The following RABL3 variants were observed in gnomAD, a reference collection of about 807,000 sequenced individuals.
RABL3 encodes rab-like protein 3.
Under a neutral mutation model 31.8 loss-of-function variants are expected in RABL3, and 31 were observed. The observed-to-expected ratio is 0.97, with a 90% CI of 0.73 to 1.31. The LOEUF (loss-of-function observed/expected upper bound fraction) is 1.31. RABL3 is among the 40% of genes most tolerant of loss of function. The pLI is 0.00. For missense variants in RABL3, 263 were observed against 279.6 expected, an observed-to-expected ratio of 0.94 and a Z score of 0.42; for synonymous variants, 97 against 99.9, an observed-to-expected ratio of 0.97 and a Z score of 0.18.
chr3:120,707,777 G>A (rs1342708744), intron 3 of RABL3, among the ~76,000 whole-genome samples: 1 of 152,086 alleles, frequency 6.6e-6, no homozygotes, highest in African/African-American at 2.4e-5. Flanking sequence ...CTTTACTGAG[G>A]ATCTTTAGGT....
rs1708304081 is a variant in RABL3, at chr3:120,686,036, G to C, written c.*3787C>G. Among the ~76,000 whole-genome samples the C allele has an allele frequency of 1.3e-5, 2 of 152,134 alleles. No homozygotes were observed. Among genetic ancestry groups the C allele is most frequent in the African/African-American group, 2.4e-5 (1 of 41,432 alleles). ...TGTCCAATTCCTTTACTATGCTATGGAGCAGCCCCAGCTGACCCTAACATC... is the reference window on the plus strand; with the variant it reads ...TGTCCAATTCCTTTACTATGCTATGCAGCAGCCCCAGCTGACCCTAACATC... On this transcript the variant is annotated 3_prime_UTR_variant, in exon 8 of 8. Coordinates refer to ENST00000273375, the MANE Select transcript of RABL3 (RefSeq NM_173825.5).
rs149233680 is a variant in RABL3, at chr3:120,731,120, A to G, written c.47-333T>C. 9.3e-3 allele frequency among the ~76,000 whole-genome samples: 1,410 copies of G among 152,198 alleles called. 22 individuals are homozygous for G. The highest frequency in any genetic ancestry group is 0.032 in the African/African-American group (1,345 of 41,542). The stretch of plus-strand genomic sequence containing the variant: ...ACTGGTCCAGGGGTCTCACTTTGAG[A>G]ACCACTGGTCCAGGTCAATTTCATA... On this transcript the variant is annotated intron_variant, in intron 1 of 7. Transcript: ENST00000273375.
At chr3:120,722,299 A>G (rs919291844) in intron 2 of RABL3, 10 of 152,222 alleles carry the variant, frequency 6.6e-5, no homozygotes, top group Non-Finnish European at 1.0e-4. Flanking sequence ...TTGAAGAACC[A>G]GTCTACATAA....
At chr3:120,690,568 A>G (rs1411128342) in intron 6 of RABL3, 81 bp from the exon 7 acceptor site, 1 of 899,480 alleles carries the variant, frequency 1.1e-6, no homozygotes, top group African/African-American at 1.7e-5. Context: ...AATGGTACTA[A>G]AAGGAATATA....
In RABL3 at chr3:120,709,868, G is replaced by A. The variant is rs1281348973; in HGVS notation, c.180C>T (p.Tyr60=). Reference sequence around the variant, plus strand: ...CTCCAACATCCCATAATTCTATGTAGTAGGTCTTCTCTTCTGGGGTTCCTT... The same window carrying A: ...CTCCAACATCCCATAATTCTATGTAATAGGTCTTCTCTTCTGGGGTTCCTT... The part of the protein sequence containing the change: ...YKEGTPEEKT[Y]YIELWDVGGS... The change falls in exon 3 of 8, where the codon TAC becomes TAT. Residue 60 remains tyrosine (Y), a synonymous_variant. Transcript: ENST00000273375. The A allele has an allele frequency of 1.2e-6, 2 of 1,609,146 alleles. No individual in the cohort carries two copies. Among genetic ancestry groups the A allele is most frequent in the Admixed American group, 3.4e-5 (2 of 59,678 alleles).
chr3:120,705,550 T>G (rs1708539005), intron 4 of RABL3, among the ~76,000 whole-genome samples: 1 of 152,172 alleles, frequency 6.6e-6, no homozygotes, highest in Admixed American at 6.5e-5. Flanking sequence ...AAAGGATATC[T>G]TTTCAATAAA....
intron 1 of RABL3, among the ~76,000 whole-genome samples, chr3:120,731,217 T>A (rs946307558): frequency 5.9e-5 from 9 of 152,214 alleles, no homozygotes; most frequent in Non-Finnish European, 1.2e-4. Context: ...TCTTAACAGA[T>A]CTGAGAAGTA....
chr3:120,737,876 A>C (rs1350263152), intron 1 of RABL3, among the ~76,000 whole-genome samples: 1 of 152,174 alleles, frequency 6.6e-6, no homozygotes, highest in Non-Finnish European at 1.5e-5. Flanking sequence ...CTGATCATTC[A>C]TTCCTCTGGA....
rs767833573 is a variant in RABL3 at position 120,689,908 on chromosome 3, T to C, written c.646-20A>G. ...TGGAATCTGTAGGCAAGAAAGATAATTGCATTAAGTCTCAAGCAATAAAAG... is the reference window on the plus strand; with the variant it reads ...TGGAATCTGTAGGCAAGAAAGATAACTGCATTAAGTCTCAAGCAATAAAAG... On this transcript the variant is annotated intron_variant, in intron 7 of 7. Transcript: ENST00000273375. 13 of 1,593,802 alleles carry C rather than the reference T, an allele frequency of 8.2e-6. No individual in the cohort carries two copies. The highest frequency in any genetic ancestry group is 2.2e-5 in the South Asian group (2 of 90,616).
chr3:120,734,855 T>C lies in RABL3; in HGVS notation c.47-4068A>G, dbSNP rs1377556304. On this transcript the variant is annotated intron_variant, in intron 1 of 7. Coordinates refer to ENST00000273375, the MANE Select transcript of RABL3 (RefSeq NM_173825.5). ...ATATGCTGGATTATATTTATTGATT[T>C]GCACATGTTGAACCAGCCTTGCATC... Among the ~76,000 whole-genome samples the C allele has an allele frequency of 1.3e-5, 2 of 152,262 alleles. 1 individual carries two copies. The highest frequency in any genetic ancestry group is 2.9e-5 in the Non-Finnish European group (2 of 68,052).
At chr3:120,695,910 C>T (rs1305902262) in intron 5 of RABL3, among the ~76,000 whole-genome samples, 3 of 152,200 alleles carry the variant, frequency 2.0e-5, no homozygotes, top group Non-Finnish European at 4.4e-5. Flanking sequence ...GGTCGACCAG[C>T]CTAGAGAAAC....
intron 6 of RABL3, 44 bp from the exon 7 acceptor site, chr3:120,690,531 A>G: frequency 3.4e-6 from 5 of 1,459,438 alleles, no homozygotes; most frequent in Non-Finnish European, 3.8e-6. Context: ...ACATACCTGC[A>G]AAAAGTGGCT....
intron 4 of RABL3, among the ~76,000 whole-genome samples, chr3:120,699,217 C>G (rs1031782292): frequency 5.9e-5 from 9 of 152,078 alleles, no homozygotes; most frequent in African/African-American, 2.2e-4. Flanking sequence ...TGGAAGGAAA[C>G]AGCTGAAATG....
At chr3:120,708,484 C>T (rs565651699) in intron 3 of RABL3, among the ~76,000 whole-genome samples, 2 of 151,982 alleles carry the variant, frequency 1.3e-5, no homozygotes, top group South Asian at 4.2e-4. Context: ...CTCAAAAATA[C>T]CTAAATATCA....
intron 2 of RABL3, among the ~76,000 whole-genome samples, chr3:120,727,537 A>C (rs1708836844): frequency 6.6e-6 from 1 of 152,160 alleles, no homozygotes. Flanking sequence ...AAAAAATACC[A>C]ATCTTAAATA....
At chr3:120,724,330 C>T (rs1170959220) in intron 2 of RABL3, among the ~76,000 whole-genome samples, 1 of 152,226 alleles carries the variant, frequency 6.6e-6, no homozygotes, top group Admixed American at 6.5e-5. Flanking sequence ...ACATTCCATG[C>T]TCATGGGTAG....
intron 2 of RABL3, among the ~76,000 whole-genome samples, chr3:120,710,969 T>G (rs1332628421): frequency 6.6e-6 from 1 of 152,130 alleles, no homozygotes; most frequent in African/African-American, 2.4e-5. Flanking sequence ...CTTGTCAAGG[T>G]CACCAATGAC....
At chr3:120,724,546 A>C (rs1399204920) in intron 2 of RABL3, among the ~76,000 whole-genome samples, 3 of 152,230 alleles carry the variant, frequency 2.0e-5, no homozygotes, top group Non-Finnish European at 4.4e-5. Context: ...CCTGACTTCA[A>C]ACTATACTAC....
intron 4 of RABL3, 81 bp from the exon 5 acceptor site, chr3:120,698,654 C>A (rs906215532): frequency 8.5e-7 from 1 of 1,177,332 alleles, no homozygotes; most frequent in African/African-American, 1.6e-5. Context: ...AACTAAGTTA[C>A]ACTATTTTAC....
Sources: allele counts gnomAD v4.1 joint callset (sites outside exome capture counted in the v4.1 genomes callset), GRCh38; gene constraint gnomAD v4.1.1; transcripts MANE v1.5; gene names NCBI Gene and HGNC (gene_info 2026-07-23, HGNC 2026-07-21).